ITFG1: variants seen among roughly 807,000 people sequenced by gnomAD.
The protein encoded by ITFG1 is T-cell immunomodulatory protein.
A neutral mutation model predicts 81.8 loss-of-function variants in ITFG1; 34 were observed. That is an observed-to-expected ratio of 0.42 (90% CI 0.32 to 0.55). ITFG1 has a LOEUF of 0.55. ITFG1 is among the 20% of genes least tolerant of loss of function. The pLI is 0.17. For synonymous variants in ITFG1, 285 were observed against 270.6 expected (o/e 1.05, Z -0.52); for missense variants, 672 against 755.4 (o/e 0.89, Z 1.29).
At chr16:47,301,559 C>A (rs982245503) in intron 10 of ITFG1, among the ~76,000 whole-genome samples, 4 of 151,896 alleles carry the variant, frequency 2.6e-5, no homozygotes, top group Non-Finnish European at 4.4e-5. Context: ...ACCATGCCAG[C>A]TAATTTTTGC....
At chr16:47,458,024 CA>C in intron 2 of ITFG1, among the ~76,000 whole-genome samples, 1 of 152,204 alleles carries the variant, frequency 6.6e-6, no homozygotes, top group East Asian at 1.9e-4. Flanking sequence ...CTAATCAGCC[CA>C]CACAGGGACT....
chr16:47,430,500 T>A (rs1377752540), intron 5 of ITFG1, among the ~76,000 whole-genome samples: 3 of 152,224 alleles, frequency 2.0e-5, no homozygotes, highest in African/African-American at 7.2e-5. Context: ...AAAATTTGCC[T>A]GTTTTCTTCT....
chr16:47,453,455 T>A (rs1969413759), intron 3 of ITFG1, among the ~76,000 whole-genome samples: 1 of 152,204 alleles, frequency 6.6e-6, no homozygotes, highest in Non-Finnish European at 1.5e-5. Flanking sequence ...TATTGTGGCA[T>A]CTGAGATGCT....
chr16:47,296,004 T>C (rs1447347813), intron 10 of ITFG1, among the ~76,000 whole-genome samples: 1 of 152,172 alleles, frequency 6.6e-6, no homozygotes, highest in Non-Finnish European at 1.5e-5. Context: ...GCTCAAGCGA[T>C]CTTCCCACCT....
chr16:47,460,078 T>C lies in ITFG1; in HGVS notation c.208+760A>G, dbSNP rs184651123. ...ATTTACAAAAAAGTTAGTTTAACGA[T>C]TGTCAAAGCAAAGAATTTCCAAGAA... On this transcript the variant is annotated intron_variant, in intron 1 of 17. Transcript: ENST00000320640. Among the ~76,000 whole-genome samples the C allele has an allele frequency of 4.1e-4, 63 of 152,336 alleles. No individual in the cohort carries two copies. In the East Asian group the frequency reaches 9.1e-3, roughly 22 times the overall value.
chr16:47,342,066 T>C (rs1967791621), intron 8 of ITFG1, among the ~76,000 whole-genome samples: 1 of 152,184 alleles, frequency 6.6e-6, no homozygotes, highest in Non-Finnish European at 1.5e-5. Flanking sequence ...CAACTCGTTT[T>C]ATGAAGGCAG....
chr16:47,325,979 C>T (rs927874194), intron 8 of ITFG1, among the ~76,000 whole-genome samples: 1 of 152,172 alleles, frequency 6.6e-6, no homozygotes, highest in African/African-American at 2.4e-5. Context: ...TTTTATGAGG[C>T]CAGCATCATC....
chr16:47,283,115 TTA>T (rs1161428476), intron 10 of ITFG1, among the ~76,000 whole-genome samples: 6 of 152,178 alleles, frequency 3.9e-5, no homozygotes, highest in Admixed American at 6.6e-5. Flanking sequence ...ATTTTTGTTT[TTA>T]TTGTGTTTGC....
chr16:47,327,086 T>A (rs1209539959), intron 8 of ITFG1, among the ~76,000 whole-genome samples: 1 of 152,138 alleles, frequency 6.6e-6, no homozygotes, highest in Non-Finnish European at 1.5e-5. Flanking sequence ...ACTACAAGGC[T>A]ACAGTAACCA....
chr16:47,248,944 A>G (rs780354174), intron 12 of ITFG1, among the ~76,000 whole-genome samples: 2 of 152,180 alleles, frequency 1.3e-5, no homozygotes, highest in Admixed American at 6.5e-5. Context: ...CTTGAAGGCA[A>G]TAACTGTTTT....
At chr16:47,324,859 A>G (rs1967507870) in intron 8 of ITFG1, among the ~76,000 whole-genome samples, 1 of 152,130 alleles carries the variant, frequency 6.6e-6, no homozygotes, top group Non-Finnish European at 1.5e-5. Flanking sequence ...CTACGAAGAG[A>G]CTTAGACTCC....
intron 5 of ITFG1, among the ~76,000 whole-genome samples, chr16:47,441,060 A>T (rs1218658269): frequency 6.6e-6 from 1 of 152,224 alleles, no homozygotes; most frequent in Non-Finnish European, 1.5e-5. Flanking sequence ...CCTCTACGCA[A>T]ATAAACTAGA....
chr16:47,352,306 T>C (rs1423699571), intron 8 of ITFG1, among the ~76,000 whole-genome samples: 1 of 152,100 alleles, frequency 6.6e-6, no homozygotes, highest in African/African-American at 2.4e-5. Flanking sequence ...TGCAATCTAC[T>C]CATCTGACAA....
intron 13 of ITFG1, among the ~76,000 whole-genome samples, chr16:47,236,424 G>A (rs988326901): frequency 8.1e-5 from 12 of 147,676 alleles, no homozygotes; most frequent in Admixed American, 4.1e-4. Context: ...GCAGTGAGCC[G>A]AGATCGCGCC....
intron 6 of ITFG1, among the ~76,000 whole-genome samples, chr16:47,381,963 A>G (rs1334774098): frequency 6.6e-6 from 1 of 152,250 alleles, no homozygotes. Context: ...CTGAAAAAGC[A>G]TCTCAGGATA....
chr16:47,355,988 C>G (rs998114865), intron 8 of ITFG1, among the ~76,000 whole-genome samples: 5 of 152,062 alleles, frequency 3.3e-5, no homozygotes, highest in African/African-American at 1.2e-4. Context: ...CTGTTGGTGA[C>G]CATTACTGAA....
At chr16:47,297,631 CTTTTTTT>C (rs767640557) in intron 10 of ITFG1, among the ~76,000 whole-genome samples, 5 of 132,946 alleles carry the variant, frequency 3.8e-5, no homozygotes, top group Non-Finnish European at 6.5e-5. Context: ...TGACAGTTTG[CTTTTTTT>C]TTTTTTTTTC....
At chr16:47,340,392 C>T (rs1368411400) in intron 8 of ITFG1, among the ~76,000 whole-genome samples, 1 of 151,998 alleles carries the variant, frequency 6.6e-6, no homozygotes, top group Non-Finnish European at 1.5e-5. Context: ...ACATCAATAA[C>T]ATAAACAGGA....
At chr16:47,345,940 T>G (rs976892110) in intron 8 of ITFG1, among the ~76,000 whole-genome samples, 3 of 152,158 alleles carry the variant, frequency 2.0e-5, no homozygotes, top group Non-Finnish European at 2.9e-5. Context: ...AGTAATACAA[T>G]ACTACTAGGA....
Sources: allele counts gnomAD v4.1 joint callset (sites outside exome capture counted in the v4.1 genomes callset), GRCh38; gene constraint gnomAD v4.1.1; transcripts MANE v1.5; gene names NCBI Gene and HGNC (gene_info 2026-07-23, HGNC 2026-07-21).